TG: variants seen among roughly 807,000 people sequenced by gnomAD.
The protein encoded by TG is thyroid hormones.
A neutral mutation model predicts 324.7 loss-of-function variants in TG; 270 were observed. The ratio of observed to expected loss-of-function variants is 0.83; its 90% CI spans 0.75 to 0.92. The LOEUF (loss-of-function observed/expected upper bound fraction) is 0.92. Among genes scored for constraint, TG ranks in the 40% least tolerant of loss-of-function variants. TG has a pLI of 0.00. For synonymous variants in TG, 1,401 were observed against 1,327.0 expected (o/e 1.06, Z -1.21); for missense variants, 3,591 against 3,456.4 (o/e 1.04, Z -0.98).
intron 43 of TG, among the ~76,000 whole-genome samples, chr8:133,106,251 C>G (rs1564197439): frequency 6.6e-6 from 1 of 152,140 alleles, no homozygotes; most frequent in Admixed American, 6.5e-5. Context: ...GGCAGTGTGG[C>G]CTGCAGAGTG....
intron 35 of TG, among the ~76,000 whole-genome samples, chr8:132,989,795 G>C (rs903286406): frequency 3.3e-5 from 5 of 152,128 alleles, no homozygotes; most frequent in African/African-American, 1.2e-4. Context: ...TGTCAGCACC[G>C]GCGGGAAGCA....
chr8:133,039,890 A>G (rs879047145), intron 41 of TG: 1 of 1,475,342 alleles, frequency 6.8e-7, no homozygotes. Flanking sequence ...GACTCTGGCC[A>G]TGGTTTTCAT....
At position 133,045,856 on chromosome 8, in the gene TG, C is replaced by T. The variant is rs114296514; in HGVS notation, c.7239+15833C>T. Among the ~76,000 whole-genome samples the T allele has an allele frequency of 9.0e-3, 1,369 of 152,208 alleles. 21 individuals carry two copies. Among genetic ancestry groups the T allele is most frequent in the African/African-American group, 0.031 (1,281 of 41,524 alleles). ...CCAAGATGTGATCCCTACTGTTTTG[C>T]TCTTTCAGCCCCTGTCCCACCAATG... On this transcript the variant is annotated intron_variant, in intron 41 of 47. Coordinates refer to ENST00000220616, the MANE Select transcript of TG (RefSeq NM_003235.5).
chr8:133,045,201 G>A (rs954715575), intron 41 of TG: 20 of 1,448,084 alleles, frequency 1.4e-5, no homozygotes, highest in Non-Finnish European at 1.8e-5. Flanking sequence ...CACTGAGGCA[G>A]GGAGACCTGC....
At chr8:133,015,709 G>A (rs1451211327) in intron 37 of TG, among the ~76,000 whole-genome samples, 1 of 152,196 alleles carries the variant, frequency 6.6e-6, no homozygotes, top group African/African-American at 2.4e-5. Context: ...CACTTCAGCA[G>A]CCACGGTCCT....
chr8:132,884,657 TA>T (rs1325545017), intron 8 of TG, among the ~76,000 whole-genome samples: 1 of 152,228 alleles, frequency 6.6e-6, no homozygotes, highest in Non-Finnish European at 1.5e-5. Flanking sequence ...TACTAAAACC[TA>T]GAGAATGTTA....
chr8:133,096,619 C>G (rs1250000218), intron 43 of TG, among the ~76,000 whole-genome samples: 1 of 152,228 alleles, frequency 6.6e-6, no homozygotes, highest in South Asian at 2.1e-4. Context: ...TGGAGCTGAC[C>G]CAGAAGCTCT....
intron 41 of TG, among the ~76,000 whole-genome samples, chr8:133,035,060 G>T (rs1836961835): frequency 6.6e-6 from 1 of 152,042 alleles, no homozygotes; most frequent in Admixed American, 6.5e-5. Context: ...ATGTCTTATT[G>T]TTATCTTCTA....
chr8:132,867,550 A>C (rs554668133), intron 1 of TG, among the ~76,000 whole-genome samples: 1 of 151,920 alleles, frequency 6.6e-6, no homozygotes, highest in African/African-American at 2.4e-5. Flanking sequence ...TTCATTTAAA[A>C]AGTAAACAAA....
At chr8:133,134,534 C>A in intron 47 of TG, 142 bp from the exon 48 acceptor site, 1 of 777,248 alleles carries the variant, frequency 1.3e-6, no homozygotes, top group African/African-American at 1.7e-5. Context: ...TCTGGCACCT[C>A]AGCCAGTGGA....
chr8:132,933,974 G>A (rs1301066645), intron 24 of TG, among the ~76,000 whole-genome samples: 1 of 152,060 alleles, frequency 6.6e-6, no homozygotes, highest in East Asian at 1.9e-4. Context: ...ATGTGAGGGG[G>A]CCCTAAACAC....
At chr8:133,119,831 C>CT (rs1388795087) in intron 45 of TG, among the ~76,000 whole-genome samples, 1 of 152,216 alleles carries the variant, frequency 6.6e-6, no homozygotes, top group East Asian at 1.9e-4. Context: ...TCTTTCCACT[C>CT]TAACACGCGG....
intron 35 of TG, among the ~76,000 whole-genome samples, chr8:133,003,611 A>G (rs954910640): frequency 1.3e-5 from 2 of 152,208 alleles, no homozygotes; most frequent in African/African-American, 4.8e-5. Flanking sequence ...ATAAAAATTA[A>G]GCTTTAAAAA....
Position 132,969,498 on chromosome 8 carries a change from G to A in TG, c.5904G>A (p.Leu1968=). The change falls in exon 32 of 48, where the codon CTG becomes CTA. Residue 1968 remains leucine, a synonymous_variant. Transcript: ENST00000220616. ...EDKVKNFYTR[L]PFQKLMGISI... ...AAGTGAAGAACTTTTACACTCGCCT[G>A]CCGTTCCAAAAACTGATGGGGATAT... 1.2e-6 allele frequency: 2 copies of A among 1,613,962 alleles called. No homozygotes were observed. The highest frequency in any genetic ancestry group is 1.3e-5 in the African/African-American group (1 of 75,002).
intron 37 of TG, among the ~76,000 whole-genome samples, chr8:133,014,402 C>T (rs762469886): frequency 5.9e-5 from 9 of 152,198 alleles, no homozygotes; most frequent in Non-Finnish European, 8.8e-5. Context: ...CTAAGTAAGA[C>T]TGCTAAGAGC....
intron 43 of TG, among the ~76,000 whole-genome samples, chr8:133,098,676 A>T (rs77438549): frequency 0.012 from 1,789 of 152,302 alleles, 37 homozygotes; most frequent in African/African-American, 0.041. Context: ...GAAAGGGCTG[A>T]TGGGGCTAGG....
chr8:133,027,283 G>A (rs768119168), intron 40 of TG, among the ~76,000 whole-genome samples: 9 of 152,222 alleles, frequency 5.9e-5, no homozygotes, highest in Non-Finnish European at 8.8e-5. Flanking sequence ...CAGGAGGTAC[G>A]GGGCAGACCA....
At chr8:133,036,498 TC>T (rs1389686590) in intron 41 of TG, among the ~76,000 whole-genome samples, 2 of 152,166 alleles carry the variant, frequency 1.3e-5, no homozygotes, top group African/African-American at 4.8e-5. Context: ...GGTGTTTCCT[TC>T]AATCCCTTAG....
At chr8:133,060,202 T>C in intron 41 of TG, 1 of 1,613,540 alleles carries the variant, frequency 6.2e-7, no homozygotes, top group Non-Finnish European at 8.5e-7. Flanking sequence ...GCCCAGAGCC[T>C]GTGGTATAGG....
Sources: gnomAD v4.1 joint callset for allele counts (sites outside exome capture counted in the v4.1 genomes callset) on GRCh38, gnomAD v4.1.1 for gene constraint, MANE v1.5 for transcripts, NCBI Gene and HGNC (gene_info 2026-07-23, HGNC 2026-07-21) for gene names.